AGBL4: variants seen among roughly 807,000 people sequenced by gnomAD.
The protein encoded by AGBL4 is cytosolic carboxypeptidase 6.
A neutral mutation model predicts 66.4 loss-of-function variants in AGBL4; 58 were observed. That is an observed-to-expected ratio of 0.87 (90% CI 0.71 to 1.09). AGBL4 has a LOEUF of 1.09. AGBL4 is among the 50% of genes least tolerant of loss of function. AGBL4 has a pLI of 0.00. For missense variants in AGBL4, 579 were observed against 631.0 expected (o/e 0.92, Z 0.88); for synonymous variants, 234 against 222.9 (o/e 1.05, Z -0.44).
intron 4 of AGBL4, among the ~76,000 whole-genome samples, chr1:49,118,150 T>C (rs372207232): frequency 9.9e-4 from 151 of 152,314 alleles, no homozygotes; most frequent in Middle Eastern, 3.4e-3. Context: ...TATATGATCA[T>C]GTCATCTGCA....
chr1:48,927,092 C>G (rs1452329135), intron 5 of AGBL4, among the ~76,000 whole-genome samples: 3 of 152,072 alleles, frequency 2.0e-5, no homozygotes, highest in Admixed American at 1.3e-4. Flanking sequence ...CCCCACTCCC[C>G]CTAAATGGAG....
chr1:49,948,459 A>ATATAAATATAT lies in AGBL4; in HGVS notation c.34+75303_34+75304insATATATTTATA, dbSNP rs1655710396. Among the ~76,000 whole-genome samples the ATATAAATATAT allele has an allele frequency of 5.6e-5, 3 of 53,652 alleles. No homozygotes were observed. The South Asian group carries it at 2.4e-3, about 43-fold the overall frequency. 35.2% of individuals were successfully genotyped at this position (53,652 alleles called of 152,430 possible). A position where few individuals can be genotyped will look rare whatever the true frequency, so the allele number is the denominator to read the frequency against. ...TAAATATATATAAATATATAAATAT[A>ATATAAATATAT]GATAAATATATAAATATATAAATAT... is the stretch of plus-strand genomic sequence containing the variant. On this transcript the variant is annotated intron_variant, in intron 1 of 13. Coordinates refer to ENST00000371839, the MANE Select transcript of AGBL4 (RefSeq NM_032785.4).
At chr1:49,395,504 G>C (rs963891578) in intron 3 of AGBL4, among the ~76,000 whole-genome samples, 1 of 150,630 alleles carries the variant, frequency 6.6e-6, no homozygotes, top group Non-Finnish European at 1.5e-5. Context: ...ACATATGTTG[G>C]AAATAATGTT....
intron 3 of AGBL4, among the ~76,000 whole-genome samples, chr1:49,673,973 C>T (rs1372456685): frequency 1.3e-5 from 2 of 151,716 alleles, no homozygotes; most frequent in African/African-American, 2.4e-5. Flanking sequence ...GACTGAAGAT[C>T]GCCTGAATGA....
At chr1:48,594,899 G>A (rs1054541064) in intron 9 of AGBL4, among the ~76,000 whole-genome samples, 8 of 151,972 alleles carry the variant, frequency 5.3e-5, no homozygotes, top group African/African-American at 1.7e-4. Flanking sequence ...TTCTGCATGG[G>A]TAGCTACACG....
intron 5 of AGBL4, among the ~76,000 whole-genome samples, chr1:49,026,487 G>C (rs1369874223): frequency 6.6e-6 from 1 of 152,156 alleles, no homozygotes; most frequent in Non-Finnish European, 1.5e-5. Flanking sequence ...TTCACTTATA[G>C]CTGAGGGGAA....
At chr1:49,835,764 CTGG>C (rs1251574632) in intron 2 of AGBL4, among the ~76,000 whole-genome samples, 2 of 152,100 alleles carry the variant, frequency 1.3e-5, no homozygotes, top group African/African-American at 2.4e-5. Context: ...TAAGGCAGGC[CTGG>C]TGGTGACAAA....
chr1:49,815,291 G>A (rs1259067145), intron 2 of AGBL4, among the ~76,000 whole-genome samples: 1 of 152,036 alleles, frequency 6.6e-6, no homozygotes, highest in African/African-American at 2.4e-5. Flanking sequence ...TTCTGTGTCT[G>A]GTTTATTTCA....
At chr1:49,026,890 T>G (rs1160664038) in intron 5 of AGBL4, among the ~76,000 whole-genome samples, 2 of 152,228 alleles carry the variant, frequency 1.3e-5, no homozygotes, top group African/African-American at 4.8e-5. Context: ...ATTTGTTCAT[T>G]TAATTTTTCC....
intron 3 of AGBL4, among the ~76,000 whole-genome samples, chr1:49,414,078 G>A (rs1160437407): frequency 6.6e-6 from 1 of 152,132 alleles, no homozygotes; most frequent in East Asian, 1.9e-4. Context: ...AGAATAATGA[G>A]AAAAGGTGAA....
intron 4 of AGBL4, among the ~76,000 whole-genome samples, chr1:49,209,548 G>A (rs1200653638): frequency 1.3e-5 from 2 of 152,074 alleles, no homozygotes; most frequent in African/African-American, 2.4e-5. Flanking sequence ...GAAGAACAAA[G>A]TTTAGCCTAG....
At chr1:49,077,315 A>G (rs192469440) in intron 4 of AGBL4, among the ~76,000 whole-genome samples, 23 of 152,262 alleles carry the variant, frequency 1.5e-4, no homozygotes, top group African/African-American at 5.5e-4. Flanking sequence ...CCCATATTGT[A>G]GCCTCCTGAA....
At chr1:49,501,258 T>G (rs1648122693) in intron 3 of AGBL4, among the ~76,000 whole-genome samples, 1 of 152,136 alleles carries the variant, frequency 6.6e-6, no homozygotes, top group South Asian at 2.1e-4. Context: ...TTTCAAATGA[T>G]CTCTGAATCC....
intron 4 of AGBL4, among the ~76,000 whole-genome samples, chr1:49,211,633 T>C (rs1648676405): frequency 1.3e-5 from 2 of 152,116 alleles, no homozygotes; most frequent in African/African-American, 4.8e-5. Flanking sequence ...TTATCACATT[T>C]TTTTGAACAT....
chr1:48,856,155 T>G (rs993755788), intron 6 of AGBL4, among the ~76,000 whole-genome samples: 1 of 152,186 alleles, frequency 6.6e-6, no homozygotes, highest in Non-Finnish European at 1.5e-5. Context: ...TCACTATAAA[T>G]TTTCTGTGTT....
intron 3 of AGBL4, among the ~76,000 whole-genome samples, chr1:49,656,838 G>A (rs887372531): frequency 6.6e-5 from 10 of 152,216 alleles, no homozygotes; most frequent in South Asian, 2.1e-4. Flanking sequence ...AATAAATTCG[G>A]CATTGATGGG....
At chr1:48,658,474 G>GAGC (rs1474523363) in intron 7 of AGBL4, among the ~76,000 whole-genome samples, 1 of 152,208 alleles carries the variant, frequency 6.6e-6, no homozygotes, top group Non-Finnish European at 1.5e-5. Flanking sequence ...CCAGACCCCT[G>GAGC]TCTGCCCTCA....
chr1:49,608,788 C>T (rs535122399), intron 3 of AGBL4, among the ~76,000 whole-genome samples: 3 of 152,074 alleles, frequency 2.0e-5, no homozygotes, highest in Admixed American at 6.5e-5. Context: ...GCTCTTCTAA[C>T]GATAATAATA....
intron 9 of AGBL4, among the ~76,000 whole-genome samples, chr1:48,615,376 G>A (rs1645301841): frequency 6.6e-6 from 1 of 152,132 alleles, no homozygotes; most frequent in Non-Finnish European, 1.5e-5. Flanking sequence ...ATGTAGGGAG[G>A]GAAAGGAGAT....
Sources: gnomAD v4.1 joint callset for allele counts (sites outside exome capture counted in the v4.1 genomes callset) on GRCh38, gnomAD v4.1.1 for gene constraint, MANE v1.5 for transcripts, NCBI Gene and HGNC (gene_info 2026-07-23, HGNC 2026-07-21) for gene names.